The following KCNH8 variants were observed in gnomAD, a reference collection of about 807,000 sequenced individuals.
KCNH8 encodes the protein potassium voltage-gated channel subfamily H member 8, also known as voltage-gated delayed rectifier potassium channel KCNH8.
Under a neutral mutation model 103.6 loss-of-function variants are expected in KCNH8, and 70 were observed. That is an observed-to-expected ratio of 0.68 (90% CI 0.56 to 0.82). The LOEUF (loss-of-function observed/expected upper bound fraction) is 0.82, where lower values mean the gene tolerates loss of function less well. Among genes scored for constraint, KCNH8 ranks in the 40% least tolerant of loss-of-function variants. The pLI, the probability that KCNH8 is intolerant of heterozygous loss-of-function variation, is 0.00. For missense variants in KCNH8, 1,217 were observed against 1,329.9 expected, an observed-to-expected ratio of 0.92 and a Z score of 1.32; for synonymous variants, 498 against 489.4, an observed-to-expected ratio of 1.02 and a Z score of -0.23.
chr3:19,373,219 C>T (rs932845961), intron 5 of KCNH8, among the ~76,000 whole-genome samples: 8 of 152,044 alleles, frequency 5.3e-5, no homozygotes, highest in South Asian at 2.1e-4. Flanking sequence ...TGGTAGAATT[C>T]GGCTGTGAAT....
chr3:19,216,239 G>T (rs746971745), intron 1 of KCNH8, among the ~76,000 whole-genome samples: 39 of 152,170 alleles, frequency 2.6e-4, no homozygotes, highest in Non-Finnish European at 4.7e-4. Context: ...TCTAGGCAGG[G>T]AATGGAGAGA....
intron 1 of KCNH8, among the ~76,000 whole-genome samples, chr3:19,204,239 C>A (rs2063691059): frequency 1.3e-5 from 2 of 151,956 alleles, no homozygotes; most frequent in South Asian, 4.1e-4. Context: ...CTGTCATAAG[C>A]ATGTGTGATC....
intron 3 of KCNH8, among the ~76,000 whole-genome samples, chr3:19,341,973 G>A (rs2065666171): frequency 6.6e-6 from 1 of 151,958 alleles, no homozygotes; most frequent in Non-Finnish European, 1.5e-5. Context: ...TTGCAGGATT[G>A]GCCACACAGA....
At chr3:19,510,935 C>T (rs1204093329) in intron 12 of KCNH8, among the ~76,000 whole-genome samples, 2 of 152,068 alleles carry the variant, frequency 1.3e-5, no homozygotes, top group Admixed American at 1.3e-4. Flanking sequence ...TTACCTAATG[C>T]ATTATGAAGA....
rs1018365397 is a variant in KCNH8, at chr3:19,480,967, T to C, written c.2040+23985T>C. Among the ~76,000 whole-genome samples, 7 of 152,174 alleles carry C rather than the reference T, an allele frequency of 4.6e-5. 1 individual carries two copies. The highest frequency in any genetic ancestry group is 3.9e-4 in the East Asian group (2 of 5,178). The stretch of plus-strand genomic sequence containing the variant: ...CTATGGGGAAACTTCTTAAATCAAC[T>C]GACTGTGGCTGAGATTATCTTTCTT... On this transcript the variant is annotated intron_variant, in intron 11 of 15. Transcript: ENST00000328405.
Position 19,513,098 on chromosome 3 carries a change from T to C in KCNH8, c.2208T>C (p.Ser736=), listed in dbSNP as rs2068812023. The change falls in exon 13 of 16, where the codon TCT becomes TCC. Residue 736 remains serine, a synonymous_variant. Transcript: ENST00000328405. ...SLSPICTRGS[S]SRNKKVGSNK... is the part of the protein sequence containing the mutation. Reference sequence around the variant, plus strand: ...CTCCCATCTGCACAAGGGGATCTTCTTCGCGCAACAAGAAGGTTGGAAGCA... The same window carrying C: ...CTCCCATCTGCACAAGGGGATCTTCCTCGCGCAACAAGAAGGTTGGAAGCA... 6.2e-7 allele frequency: 1 copy of C among 1,613,700 alleles called. No homozygotes were observed. Among genetic ancestry groups the C allele is most frequent in the African/African-American group, 1.3e-5 (1 of 75,010 alleles).
At chr3:19,511,208 T>C (rs943259738) in intron 12 of KCNH8, among the ~76,000 whole-genome samples, 2 of 151,528 alleles carry the variant, frequency 1.3e-5, no homozygotes, top group Admixed American at 6.6e-5. Context: ...GTGTTCTCAT[T>C]GTTCAACTCG....
chr3:19,288,918 C>T (rs2064876352), intron 3 of KCNH8, among the ~76,000 whole-genome samples: 1 of 152,116 alleles, frequency 6.6e-6, no homozygotes, highest in Non-Finnish European at 1.5e-5. Context: ...TAATGATTGC[C>T]ATTCTAACTG....
rs1307604816 is a variant in KCNH8, at chr3:19,260,491, T to G, written c.310+6604T>G. Among the ~76,000 whole-genome samples the G allele has an allele frequency of 2.4e-3, 38 of 15,512 alleles. 1 individual carries two copies. The highest frequency in any genetic ancestry group is 5.2e-3 in the South Asian group (3 of 572). The allele number at this position is 15,512 out of a possible 152,430, so 10.2% of individuals were successfully genotyped here. A position where few individuals can be genotyped will look rare whatever the true frequency, so the allele number is the denominator to read the frequency against. Reference sequence around the variant, plus strand: ...AATATATGTATTACTCTATAGGATATATATATATATATATATATATATATA... The same window carrying G: ...AATATATGTATTACTCTATAGGATAGATATATATATATATATATATATATA... On this transcript the variant is annotated intron_variant, in intron 2 of 15. Coordinates refer to ENST00000328405, the MANE Select transcript of KCNH8 (RefSeq NM_144633.3).
intron 1 of KCNH8, among the ~76,000 whole-genome samples, chr3:19,188,955 G>GT (rs113863380): frequency 6.2e-4 from 93 of 149,410 alleles, no homozygotes; most frequent in South Asian, 4.0e-3. Context: ...AAGTTTGTTT[G>GT]TTTTTTTTTT....
intron 3 of KCNH8, among the ~76,000 whole-genome samples, chr3:19,289,074 G>T (rs936402640): frequency 2.0e-5 from 3 of 151,798 alleles, no homozygotes; most frequent in African/African-American, 7.3e-5. Flanking sequence ...TTTTGATGGG[G>T]TTGTTTTTTT....
At chr3:19,503,740 G>A (rs2068636244) in intron 11 of KCNH8, among the ~76,000 whole-genome samples, 1 of 143,312 alleles carries the variant, frequency 7.0e-6, no homozygotes, top group Non-Finnish European at 1.5e-5. Context: ...AGAACACATG[G>A]ACACAGGAAG....
chr3:19,512,950 T>G lies in KCNH8; in HGVS notation c.2080-20T>G. ...GCGGTTTTTGCAGTCTGTACTAATT[T>G]ATATTATCCACTGATTTAGTCAGAG... On this transcript the variant is annotated intron_variant, in intron 12 of 15. Coordinates refer to ENST00000328405, the MANE Select transcript of KCNH8 (RefSeq NM_144633.3). 6.2e-7 allele frequency: 1 copy of G among 1,604,464 alleles called. No homozygotes were observed. Among genetic ancestry groups the G allele is most frequent in the South Asian group, 1.1e-5 (1 of 89,672 alleles).
chr3:19,427,489 A>G lies in KCNH8; in HGVS notation c.1178-10675A>G, dbSNP rs551712844. Among the ~76,000 whole-genome samples, 165 of 152,338 alleles carry G rather than the reference A, an allele frequency of 1.1e-3. 2 individuals are homozygous for G. Among genetic ancestry groups the G allele is most frequent in the South Asian group, 2.3e-3 (11 of 4,818 alleles). ...CAATATTTTTTATAAGTTCCAAGAAATTACATAGAAAAATGGGTTCTTATA... is the reference window on the plus strand; with the variant it reads ...CAATATTTTTTATAAGTTCCAAGAAGTTACATAGAAAAATGGGTTCTTATA... On this transcript the variant is annotated intron_variant, in intron 7 of 15. Coordinates refer to ENST00000328405, the MANE Select transcript of KCNH8 (RefSeq NM_144633.3).
chr3:19,498,814 C>A (rs1038232441), intron 11 of KCNH8, among the ~76,000 whole-genome samples: 2 of 152,136 alleles, frequency 1.3e-5, no homozygotes, highest in African/African-American at 4.8e-5. Flanking sequence ...GGACCCTCAG[C>A]TGCAGGTCTG....
chr3:19,326,096 A>G (rs1006448148), intron 3 of KCNH8, among the ~76,000 whole-genome samples: 2 of 152,074 alleles, frequency 1.3e-5, no homozygotes, highest in Non-Finnish European at 2.9e-5. Context: ...ACAAAACCAA[A>G]TATCACATGT....
intron 1 of KCNH8, among the ~76,000 whole-genome samples, chr3:19,206,835 A>C (rs889730661): frequency 1.3e-5 from 2 of 152,092 alleles, no homozygotes; most frequent in Non-Finnish European, 2.9e-5. Flanking sequence ...AAATGCAGAA[A>C]GAATTTAGAG....
At chr3:19,219,672 T>C (rs1165271279) in intron 1 of KCNH8, among the ~76,000 whole-genome samples, 1 of 152,226 alleles carries the variant, frequency 6.6e-6, no homozygotes, top group Admixed American at 6.5e-5. Context: ...ATCTTCATGA[T>C]GACTGCAAAT....
rs889916190 is a variant in KCNH8 at position 19,199,546 on chromosome 3, C to T, written c.76+50751C>T. On this transcript the variant is annotated intron_variant, in intron 1 of 15. Coordinates refer to ENST00000328405, the MANE Select transcript of KCNH8 (RefSeq NM_144633.3). ...ACTTTGATCATTGCTAGAATCAATT[C>T]ATATATAATAACTATATATTTAAAT... Among the ~76,000 whole-genome samples, 3 of 149,850 alleles carry T rather than the reference C, an allele frequency of 2.0e-5. No homozygotes were observed. The Admixed American group carries it at 2.0e-4, about 10-fold the overall frequency.
Sources: allele counts gnomAD v4.1 joint callset (sites outside exome capture counted in the v4.1 genomes callset), GRCh38; gene constraint gnomAD v4.1.1; transcripts MANE v1.5; gene names NCBI Gene and HGNC (gene_info 2026-07-23, HGNC 2026-07-21).